The following EMCN variants were observed in gnomAD, a reference collection of about 807,000 sequenced individuals.
The protein encoded by EMCN is MUC-14.
In EMCN, 37 loss-of-function variants were observed where a neutral mutation model predicts 38.4. That is an observed-to-expected ratio of 0.96 (90% confidence interval 0.74 to 1.27). The LOEUF (loss-of-function observed/expected upper bound fraction) is 1.27. EMCN is among the 50% of genes most tolerant of loss of function. The probability of loss-of-function intolerance (pLI) is 0.00; values close to 1 mark genes in which losing one functional copy is unlikely to be tolerated. For synonymous variants in EMCN, 95 were observed against 100.8 expected (o/e 0.94, Z 0.35); for missense variants, 318 against 302.8 (o/e 1.05, Z -0.37).
chr4:100,478,801 C>G (rs1421688122), intron 2 of EMCN, among the ~76,000 whole-genome samples: 1 of 151,956 alleles, frequency 6.6e-6, no homozygotes, highest in Non-Finnish European at 1.5e-5. Flanking sequence ...ACACAGACAA[C>G]AGTGTAGTTT....
rs1726944816 is a variant in EMCN at position 100,423,309 on chromosome 4, T to C, written c.508+3A>G. The C allele has an allele frequency of 2.5e-6, 4 of 1,605,630 alleles. No homozygotes were observed. Among genetic ancestry groups the C allele is most frequent in the Non-Finnish European group, 2.6e-6 (3 of 1,172,712 alleles). On this transcript the variant is annotated splice_donor_region_variant and intron_variant, in intron 6 of 11. Coordinates refer to ENST00000296420, the MANE Select transcript of EMCN (RefSeq NM_016242.4). ...TTTCCACTCAGGCACACAGATATCATACCTTGAGACTGTGAGGTGTTTTCT... is the reference window on the plus strand; with the variant it reads ...TTTCCACTCAGGCACACAGATATCACACCTTGAGACTGTGAGGTGTTTTCT...
intron 11 of EMCN, among the ~76,000 whole-genome samples, chr4:100,399,796 T>A (rs1162369505): frequency 6.6e-6 from 1 of 152,146 alleles, no homozygotes; most frequent in African/African-American, 2.4e-5. Context: ...TATTTTAGGT[T>A]CATGGGTATA....
At chr4:100,456,222 T>C (rs376429834) in intron 4 of EMCN, among the ~76,000 whole-genome samples, 113 of 152,290 alleles carry the variant, frequency 7.4e-4, no homozygotes, top group African/African-American at 2.6e-3. Flanking sequence ...GTCTTTTTTC[T>C]CTCCAACTTA....
At chr4:100,465,613 C>A (rs1728295298) in intron 3 of EMCN, 74 bp from the exon 4 acceptor site, 2 of 728,152 alleles carry the variant, frequency 2.7e-6, no homozygotes, top group Non-Finnish European at 2.2e-6. Context: ...ATATTAATAT[C>A]CAACTAAAAC....
intron 1 of EMCN, among the ~76,000 whole-genome samples, chr4:100,494,275 A>G (rs1324009596): frequency 6.6e-6 from 1 of 152,210 alleles, no homozygotes; most frequent in East Asian, 1.9e-4. Context: ...ATTAAAGTGA[A>G]CACATTTAGA....
At chr4:100,489,240 C>T (rs1729017311) in intron 1 of EMCN, among the ~76,000 whole-genome samples, 1 of 152,170 alleles carries the variant, frequency 6.6e-6, no homozygotes, top group African/African-American at 2.4e-5. Flanking sequence ...GCAGTATTCC[C>T]ATGCTACTAC....
intron 1 of EMCN, among the ~76,000 whole-genome samples, chr4:100,488,987 ATTACTTTT>A (rs1432024615): frequency 6.6e-6 from 1 of 152,198 alleles, no homozygotes; most frequent in Non-Finnish European, 1.5e-5. Context: ...TATAACAATA[ATTACTTTT>A]ATTTACATTA....
At chr4:100,501,662 A>G (rs538941604) in intron 1 of EMCN, among the ~76,000 whole-genome samples, 31 of 152,248 alleles carry the variant, frequency 2.0e-4, no homozygotes, top group African/African-American at 7.5e-4. Context: ...TAACTTTTCA[A>G]TAAAGTGTTA....
At chr4:100,441,854 T>C (rs1193003514) in intron 5 of EMCN, among the ~76,000 whole-genome samples, 2 of 152,204 alleles carry the variant, frequency 1.3e-5, no homozygotes, top group African/African-American at 4.8e-5. Flanking sequence ...CAACTTGTTA[T>C]ACGTTTAGTT....
At chr4:100,508,062 G>A (rs1213656893) in intron 1 of EMCN, among the ~76,000 whole-genome samples, 1 of 152,152 alleles carries the variant, frequency 6.6e-6, no homozygotes, top group Non-Finnish European at 1.5e-5. Context: ...AATGAAGCAA[G>A]ATAACTTCAG....
At chr4:100,493,310 TA>T (rs1729132862) in intron 1 of EMCN, among the ~76,000 whole-genome samples, 1 of 152,218 alleles carries the variant, frequency 6.6e-6, no homozygotes, top group South Asian at 2.1e-4. Context: ...CTTTTTCTAA[TA>T]TCCTTTCACC....
At chr4:100,507,168 A>T (rs961558335) in intron 1 of EMCN, among the ~76,000 whole-genome samples, 4 of 152,170 alleles carry the variant, frequency 2.6e-5, no homozygotes, top group African/African-American at 9.7e-5. Context: ...TAATGAAAAC[A>T]TGAGGGACTT....
At chr4:100,423,694 C>A (rs1726963747) in intron 5 of EMCN, among the ~76,000 whole-genome samples, 1 of 152,090 alleles carries the variant, frequency 6.6e-6, no homozygotes, top group African/African-American at 2.4e-5. Context: ...TAACCTACTG[C>A]ATAAGATTCT....
chr4:100,473,378 T>TTG (rs1168076286), intron 3 of EMCN, among the ~76,000 whole-genome samples: 9 of 122,866 alleles, frequency 7.3e-5, no homozygotes, highest in Non-Finnish European at 1.1e-4. Flanking sequence ...TTTTTGTTTT[T>TTG]TTTTTTTGTT....
At chr4:100,454,120 ATATG>A (rs1441677855) in intron 4 of EMCN, among the ~76,000 whole-genome samples, 4 of 151,872 alleles carry the variant, frequency 2.6e-5, no homozygotes, top group African/African-American at 9.7e-5. Flanking sequence ...ACATGTATAG[ATATG>A]TAAGAAACCT....
chr4:100,513,432 C>T lies in EMCN; in HGVS notation c.64+4419G>A, dbSNP rs139925511. Among the ~76,000 whole-genome samples, 7 of 152,234 alleles carry T rather than the reference C, an allele frequency of 4.6e-5. No individual in the cohort carries two copies. The East Asian group carries it at 1.2e-3, about 25-fold the overall frequency. On this transcript the variant is annotated intron_variant, in intron 1 of 11. Coordinates refer to ENST00000296420, the MANE Select transcript of EMCN (RefSeq NM_016242.4). ...ATTTTTTTTAACTTTCCTCCAACTT[C>T]TATTTCTGTAAATTTCACTTGTAAA...
rs1198279387 is a variant in EMCN at position 100,395,575 on chromosome 4, C to T, written c.*2838G>A. The T allele has an allele frequency of 6.6e-6, 1 of 152,100 alleles. No individual in the cohort carries two copies. The highest frequency in any genetic ancestry group is 1.5e-5 in the Non-Finnish European group (1 of 68,002). 9.4% of individuals were successfully genotyped at this position (152,100 alleles called of 1,614,324 possible). A position where few individuals can be genotyped will look rare whatever the true frequency, so the allele number is the denominator to read the frequency against. ...CACCCAAAATACAATTTTTAAAGGTCATATTCACTTTTCCTTTCAACATCA... is the reference window on the plus strand; with the variant it reads ...CACCCAAAATACAATTTTTAAAGGTTATATTCACTTTTCCTTTCAACATCA... On this transcript the variant is annotated 3_prime_UTR_variant, in exon 12 of 12. Transcript: ENST00000296420.
intron 11 of EMCN, among the ~76,000 whole-genome samples, chr4:100,407,098 T>C (rs1318192344): frequency 1.3e-5 from 2 of 152,184 alleles, no homozygotes; most frequent in African/African-American, 2.4e-5. Flanking sequence ...ATCCCTTTAC[T>C]CTGAGCCTAT....
At chr4:100,479,881 T>A in intron 2 of EMCN, 36 bp downstream of exon 2, 1 of 1,567,314 alleles carries the variant, frequency 6.4e-7, no homozygotes, top group South Asian at 1.2e-5. Flanking sequence ...TTTTATTTGT[T>A]AAAGTTAAAC....
Sources: gnomAD v4.1 joint callset for allele counts (sites outside exome capture counted in the v4.1 genomes callset) on GRCh38, gnomAD v4.1.1 for gene constraint, MANE v1.5 for transcripts, NCBI Gene and HGNC (gene_info 2026-07-23, HGNC 2026-07-21) for gene names.